The following ATF2 variants were observed in gnomAD, a reference collection of about 807,000 sequenced individuals.
ATF2 encodes activating transcription factor 2, also known as cyclic AMP-dependent transcription factor ATF-2.
ATF2 carries 24 observed loss-of-function variants against 60.6 expected under a neutral mutation model. That is an observed-to-expected ratio of 0.40 (90% CI 0.29 to 0.56). The LOEUF is 0.56. Among genes scored for constraint, ATF2 ranks in the 20% least tolerant of loss-of-function variants. ATF2 has a pLI of 0.54. For missense variants in ATF2, 433 were observed against 607.7 expected (o/e 0.71, Z 3.02); for synonymous variants, 206 against 215.4 (o/e 0.96, Z 0.38).
chr2:175,108,573 C>T (rs1434555588), intron 10 of ATF2, among the ~76,000 whole-genome samples: 51 of 151,658 alleles, frequency 3.4e-4, no homozygotes, highest in Non-Finnish European at 6.0e-4. Context: ...CGCCTCCGCC[C>T]GGCCAGCCGA....
At chr2:175,103,421 G>C (rs1206086611) in intron 10 of ATF2, among the ~76,000 whole-genome samples, 1 of 152,112 alleles carries the variant, frequency 6.6e-6, no homozygotes, top group Non-Finnish European at 1.5e-5. Context: ...GAGAACATAT[G>C]AAAATCAAGT....
intron 7 of ATF2, among the ~76,000 whole-genome samples, chr2:175,117,060 A>G (rs1257701277): frequency 3.3e-5 from 5 of 152,002 alleles, no homozygotes; most frequent in Non-Finnish European, 7.4e-5. Context: ...CTATTTAACT[A>G]TTCACTTATG....
chr2:175,114,278 TA>T (rs1696398293), intron 8 of ATF2, 170 bp from the exon 9 acceptor site: 7 of 1,384,128 alleles, frequency 5.1e-6, no homozygotes, highest in Non-Finnish European at 6.5e-6. Flanking sequence ...CTTAAATGCA[TA>T]ACCTGTGTAG....
At chr2:175,090,012 CT>C (rs60841529) in intron 12 of ATF2, among the ~76,000 whole-genome samples, 2 of 151,948 alleles carry the variant, frequency 1.3e-5, no homozygotes, top group African/African-American at 4.8e-5. Flanking sequence ...TGTAACTGAC[CT>C]TTTTTCGTAA....
At chr2:175,166,004 A>G (rs2105385299) in intron 1 of ATF2, among the ~76,000 whole-genome samples, 1 of 152,312 alleles carries the variant, frequency 6.6e-6, no homozygotes, top group South Asian at 2.1e-4. Context: ...AAAAACGCCA[A>G]AGAAAAAAGT....
chr2:175,096,478 A>G (rs879141888), intron 11 of ATF2, among the ~76,000 whole-genome samples: 15 of 152,332 alleles, frequency 9.8e-5, no homozygotes, highest in African/African-American at 3.6e-4. Flanking sequence ...CTGATTACCT[A>G]CAAGTGAGAT....
Position 175,111,585 on chromosome 2 carries a change from G to GTAC in ATF2, c.808_810dup (p.Val270dup). The GTAC allele has an allele frequency of 6.2e-7, 1 of 1,613,694 alleles. No homozygotes were observed. The highest frequency in any genetic ancestry group is 8.5e-7 in the Non-Finnish European group (1 of 1,179,712). The stretch of plus-strand genomic sequence containing the variant: ...TGGCTTACCATTTTTGCTTCTGACT[G>GTAC]TACTGGTTGGGGAGAGGAAGGACCT... On this transcript the variant is annotated inframe_insertion, in exon 10 of 14. Coordinates refer to ENST00000264110, the MANE Select transcript of ATF2 (RefSeq NM_001880.4).
At chr2:175,132,958 C>T (rs1240105279) in intron 3 of ATF2, among the ~76,000 whole-genome samples, 1 of 151,932 alleles carries the variant, frequency 6.6e-6, no homozygotes, top group African/African-American at 2.4e-5. Flanking sequence ...TGGTGGCACA[C>T]ACCTGTAGTC....
chr2:175,142,549 T>C (rs1377921089), intron 2 of ATF2, among the ~76,000 whole-genome samples: 2 of 152,242 alleles, frequency 1.3e-5, no homozygotes, highest in Admixed American at 1.3e-4. Flanking sequence ...CTATAAAGCA[T>C]GTTATTTTAG....
intron 2 of ATF2, among the ~76,000 whole-genome samples, chr2:175,150,205 T>A (rs1315107051): frequency 3.3e-5 from 5 of 152,308 alleles, no homozygotes; most frequent in East Asian, 3.9e-4. Flanking sequence ...ATTGACAGAT[T>A]TAAATTATTT....
chr2:175,124,165 C>G (rs999210845), intron 4 of ATF2, among the ~76,000 whole-genome samples: 3 of 151,642 alleles, frequency 2.0e-5, no homozygotes, highest in African/African-American at 7.3e-5. Context: ...TGTATTCTTC[C>G]AGGCATTTCA....
intron 13 of ATF2, among the ~76,000 whole-genome samples, chr2:175,078,081 C>A (rs1269996427): frequency 6.6e-6 from 1 of 152,202 alleles, no homozygotes; most frequent in Non-Finnish European, 1.5e-5. Flanking sequence ...GATCCTCTTG[C>A]CTCAGCCTCC....
At position 175,074,742 on chromosome 2, in the gene ATF2, C is replaced by T. The variant is rs771180346; in HGVS notation, c.1385G>A (p.Gly462Glu). ...IQHSSVSTSNGVSSTSKAEAV... is the reference protein window; with the variant it reads ...IQHSSVSTSNEVSSTSKAEAV... ...TTCTGCCTTGGAGGTTGAACTGACT[C>T]CATTGGATGTGCTGACCGAACTATG... The change falls in exon 14 of 14, where the codon GGA (glycine) becomes GAA (glutamate). Residue 462 changes from glycine to glutamate, a missense_variant. Coordinates refer to ENST00000264110, the MANE Select transcript of ATF2 (RefSeq NM_001880.4). 1 of 1,613,506 alleles carries T rather than the reference C, an allele frequency of 6.2e-7. No individual in the cohort carries two copies. The highest frequency in any genetic ancestry group is 1.1e-5 in the South Asian group (1 of 91,080).
chr2:175,127,073 A>C (rs1697387626), intron 4 of ATF2: 1 of 152,010 alleles, frequency 6.6e-6, no homozygotes, highest in Non-Finnish European at 1.5e-5. Flanking sequence ...ATCCAAAAAA[A>C]AAAACCAAGC....
intron 13 of ATF2, among the ~76,000 whole-genome samples, chr2:175,078,837 G>T (rs1043829288): frequency 6.6e-6 from 1 of 152,052 alleles, no homozygotes; most frequent in African/African-American, 2.4e-5. Context: ...TTATTTCAAA[G>T]ATTTCAAACT....
intron 1 of ATF2, among the ~76,000 whole-genome samples, chr2:175,153,003 GCAGTTACT>G: frequency 6.6e-6 from 1 of 152,270 alleles, no homozygotes; most frequent in African/African-American, 2.4e-5. Context: ...TCTTATTTCA[GCAGTTACT>G]CACAAAAGAC....
chr2:175,142,716 AGAGAGTGTGT>A (rs1330445325), intron 2 of ATF2, among the ~76,000 whole-genome samples: 4 of 120,726 alleles, frequency 3.3e-5, no homozygotes, highest in South Asian at 3.1e-4. Flanking sequence ...AGAGAGAGAG[AGAGAGTGTGT>A]GTGTGTGTGT....
chr2:175,089,511 T>C (rs948755878), intron 12 of ATF2, among the ~76,000 whole-genome samples: 3 of 152,268 alleles, frequency 2.0e-5, no homozygotes, highest in African/African-American at 4.8e-5. Flanking sequence ...AAATACAGAA[T>C]TGATTAATGT....
intron 3 of ATF2, among the ~76,000 whole-genome samples, chr2:175,135,936 T>C (rs1698110993): frequency 6.6e-6 from 1 of 152,012 alleles, no homozygotes; most frequent in Non-Finnish European, 1.5e-5. Flanking sequence ...TCAACGGGGA[T>C]GTCAGTAGAC....
Sources: allele counts gnomAD v4.1 joint callset (sites outside exome capture counted in the v4.1 genomes callset), GRCh38; gene constraint gnomAD v4.1.1; transcripts MANE v1.5; gene names NCBI Gene and HGNC (gene_info 2026-07-23, HGNC 2026-07-21).